CNOT1: variants seen among roughly 807,000 people sequenced by gnomAD.
CNOT1 encodes CCR4-associated factor 1.
Under a neutral mutation model 273.8 loss-of-function variants are expected in CNOT1, and 15 were observed. The ratio of observed to expected loss-of-function variants is 0.05; its 90% CI spans 0.04 to 0.08. The LOEUF (loss-of-function observed/expected upper bound fraction) is 0.08. Among genes scored for constraint, CNOT1 ranks in the 10% least tolerant of loss-of-function variants. The pLI is 1.00. For synonymous variants in CNOT1, 1,022 were observed against 1,005.5 expected (o/e 1.02, Z -0.31); for missense variants, 1,644 against 2,912.2 (o/e 0.56, Z 10.02).
intron 1 of CNOT1, among the ~76,000 whole-genome samples, chr16:58,601,886 A>G (rs1238834679): frequency 6.9e-6 from 1 of 144,220 alleles, no homozygotes; most frequent in Admixed American, 6.9e-5. Flanking sequence ...AAAAAAAAAA[A>G]GTAAAATATT....
chr16:58,550,926 T>C (rs2040430175), intron 24 of CNOT1, among the ~76,000 whole-genome samples: 1 of 152,190 alleles, frequency 6.6e-6, no homozygotes. Flanking sequence ...ATTAAGCTTA[T>C]TTCAAAAAGC....
chr16:58,540,596 TA>T (rs1481644475), intron 34 of CNOT1, among the ~76,000 whole-genome samples: 2 of 152,234 alleles, frequency 1.3e-5, no homozygotes, highest in Non-Finnish European at 2.9e-5. Flanking sequence ...TGTGTGATTC[TA>T]AAACAGGTCT....
intron 34 of CNOT1, 161 bp from the exon 35 acceptor site, chr16:58,540,120 C>T: frequency 3.0e-6 from 2 of 675,408 alleles, no homozygotes; most frequent in Non-Finnish European, 4.8e-6. Flanking sequence ...CTGAGCTATT[C>T]AGAATTAATA....
At chr16:58,528,221 A>G in intron 44 of CNOT1, 1 of 543,794 alleles carries the variant, frequency 1.8e-6, no homozygotes. Context: ...CTGTAAATAG[A>G]GCTAAATTTA....
chr16:58,556,952 C>G lies in CNOT1; in HGVS notation c.2374G>C (p.Gly792Arg). The G allele has an allele frequency of 6.2e-7, 1 of 1,614,136 alleles. No homozygotes were observed. Among genetic ancestry groups the G allele is most frequent in the Middle Eastern group, 1.6e-4 (1 of 6,062 alleles). The change falls in exon 19 of 49, where the codon GGT (glycine) becomes CGT (arginine). Residue 792 changes from glycine (G) to arginine (R), a missense_variant. Coordinates refer to ENST00000317147, the MANE Select transcript of CNOT1 (RefSeq NM_016284.5). ...TTCACTGCAGGGAGTCCAAGAGCAC[C>G]AGTTCCTATACCAGTCAGGCTGCCT... ...GTGSLTGIGT[G>R]ALGLPAVNND...
intron 8 of CNOT1, among the ~76,000 whole-genome samples, chr16:58,584,478 G>A (rs914903667): frequency 1.7e-4 from 26 of 151,848 alleles, no homozygotes; most frequent in Non-Finnish European, 3.1e-4. Context: ...TTATAGGCAC[G>A]TGCCACCACA....
intron 1 of CNOT1, among the ~76,000 whole-genome samples, chr16:58,618,727 G>C (rs1462659978): frequency 1.3e-5 from 2 of 151,346 alleles, no homozygotes; most frequent in Non-Finnish European, 2.9e-5. Flanking sequence ...GCATGCGTGA[G>C]ATATGGCAAC....
chr16:58,553,716 A>T, intron 22 of CNOT1, 66 bp downstream of exon 22: 1 of 1,534,932 alleles, frequency 6.5e-7, no homozygotes, highest in Non-Finnish European at 8.7e-7. Context: ...TACAAAAAAA[A>T]GCCAAAATAT....
intron 7 of CNOT1, among the ~76,000 whole-genome samples, chr16:58,586,146 T>C (rs1419917770): frequency 2.8e-5 from 4 of 143,402 alleles, no homozygotes; most frequent in Non-Finnish European, 4.5e-5. Context: ...AGGCTAGGTA[T>C]GGTGTCATGC....
intron 46 of CNOT1, among the ~76,000 whole-genome samples, chr16:58,524,000 C>T (rs1296618886): frequency 6.6e-6 from 1 of 152,144 alleles, no homozygotes; most frequent in Non-Finnish European, 1.5e-5. Flanking sequence ...GTAATCCCAG[C>T]ACTTTGGGAG....
intron 1 of CNOT1, among the ~76,000 whole-genome samples, chr16:58,606,813 G>GA (rs1005536154): frequency 7.6e-4 from 109 of 142,910 alleles, no homozygotes; most frequent in African/African-American, 2.5e-3. Flanking sequence ...CAAAAAAAAA[G>GA]AAAAAAAAAA....
In CNOT1 at chr16:58,569,169, T is replaced by C. The variant is rs1200372166; in HGVS notation, c.1979+5440A>G. On this transcript the variant is annotated intron_variant, in intron 16 of 48. Coordinates refer to ENST00000317147, the MANE Select transcript of CNOT1 (RefSeq NM_016284.5). ...ACAGAGTCTTACTCTGCTGCCCAGG[T>C]TGGAGTGCAGTGGCACAAACTCGGC... Among the ~76,000 whole-genome samples, 3 of 152,214 alleles carry C rather than the reference T, an allele frequency of 2.0e-5. 1 individual carries two copies. Among genetic ancestry groups the C allele is most frequent in the Non-Finnish European group, 4.4e-5 (3 of 68,038 alleles).
chr16:58,547,947 C>T lies in CNOT1; in HGVS notation c.3523-265G>A, dbSNP rs979382276. ...CACATTGCACAAAATTCAAAAAGAA[C>T]ACAAAGTTATGTGCCAGCTATCCTC... On this transcript the variant is annotated intron_variant, in intron 25 of 48. Coordinates refer to ENST00000317147, the MANE Select transcript of CNOT1 (RefSeq NM_016284.5). The surrounding 1 kb of genome is among the most constrained non-coding windows in gnomAD (Gnocchi z 4.0). 1.3e-5 allele frequency among the ~76,000 whole-genome samples: 2 copies of T among 152,140 alleles called. No individual in the cohort carries two copies. The highest frequency in any genetic ancestry group is 4.8e-5 in the African/African-American group (2 of 41,442).
chr16:58,564,805 G>A (rs1029900963), intron 16 of CNOT1, among the ~76,000 whole-genome samples: 11 of 152,050 alleles, frequency 7.2e-5, no homozygotes, highest in South Asian at 2.1e-4. Context: ...CAGTGGTGGC[G>A]CGCACCTGTA....
chr16:58,622,979 C>G (rs1438540130), intron 1 of CNOT1, among the ~76,000 whole-genome samples: 2 of 152,180 alleles, frequency 1.3e-5, no homozygotes, highest in East Asian at 3.9e-4. Context: ...AGGCAGATCA[C>G]CTGAGGTCAG....
In CNOT1 at chr16:58,538,817, T is replaced by C. The variant is rs762317171; in HGVS notation, c.5090A>G (p.Asp1697Gly). The C allele has an allele frequency of 1.9e-6, 3 of 1,612,630 alleles. No individual in the cohort carries two copies. The highest frequency in any genetic ancestry group is 1.1e-5 in the South Asian group (1 of 90,984). The change falls in exon 36 of 49, where the codon GAT (aspartate) becomes GGT (glycine). Residue 1697 changes from aspartate to glycine, a missense_variant. Around this residue, in one of 13 missense-constraint regions of CNOT1, gnomAD observed 170 missense variants for 273.1 expected, o/e 0.62. Coordinates refer to ENST00000317147, the MANE Select transcript of CNOT1 (RefSeq NM_016284.5). Reference sequence around the variant, plus strand: ...CCATGGAGACCCATATGCCCGGCCATCCTGCAGAGCTTTTAGGACCAAGAG... The same window carrying C: ...CCATGGAGACCCATATGCCCGGCCACCCTGCAGAGCTTTTAGGACCAAGAG... ...CHLLVLKALQ[D>G]GRAYGSPWCN... is the part of the protein sequence containing the mutation.
At chr16:58,602,061 TA>T (rs1298457610) in intron 1 of CNOT1, among the ~76,000 whole-genome samples, 11 of 151,940 alleles carry the variant, frequency 7.2e-5, no homozygotes, top group Non-Finnish European at 1.3e-4. Context: ...TCAGTCCTTT[TA>T]TTTTTTTTAT....
At chr16:58,605,017 T>A (rs557312749) in intron 1 of CNOT1, among the ~76,000 whole-genome samples, 25 of 151,912 alleles carry the variant, frequency 1.6e-4, no homozygotes, top group African/African-American at 5.8e-4. Context: ...GCGCCTGTAG[T>A]CCCAGCTGCT....
chr16:58,598,099 A>G (rs2042325156), intron 2 of CNOT1, among the ~76,000 whole-genome samples: 1 of 151,632 alleles, frequency 6.6e-6, no homozygotes, highest in Non-Finnish European at 1.5e-5. Flanking sequence ...CCCCATCTCT[A>G]CTAAAAATAA....
Sources: gnomAD v4.1 joint callset for allele counts (sites outside exome capture counted in the v4.1 genomes callset) on GRCh38, gnomAD v4.1.1 for gene constraint, gnomAD v4.1.1 regional missense constraint, Gnocchi (gnomAD v3.1) non-coding constraint, MANE v1.5 for transcripts, NCBI Gene and HGNC (gene_info 2026-07-23, HGNC 2026-07-21) for gene names.